The following SCN11A variants were observed in gnomAD, a reference collection of about 807,000 sequenced individuals.
The protein encoded by SCN11A is sodium voltage-gated channel alpha subunit 11, also known as sodium channel protein type 11 subunit alpha.
In SCN11A, 122 loss-of-function variants were observed where a neutral mutation model predicts 162.2. That is an observed-to-expected ratio of 0.75 (90% CI 0.65 to 0.87). The LOEUF (loss-of-function observed/expected upper bound fraction) is 0.87. SCN11A is among the 40% of genes least tolerant of loss of function. The probability of loss-of-function intolerance (pLI) is 0.00; values close to 1 mark genes in which losing one functional copy is unlikely to be tolerated. For missense variants in SCN11A, 2,015 were observed against 2,181.6 expected, an observed-to-expected ratio of 0.92 and a Z score of 1.52; for synonymous variants, 758 against 751.5, an observed-to-expected ratio of 1.01 and a Z score of -0.14.
intron 1 of SCN11A, among the ~76,000 whole-genome samples, chr3:39,044,390 G>A (rs1279518944): frequency 6.6e-6 from 1 of 152,072 alleles, no homozygotes; most frequent in Non-Finnish European, 1.5e-5. Context: ...TCAGCTTATA[G>A]AACATCCTCC....
At chr3:39,033,656 G>A (rs1323062265) in intron 1 of SCN11A, among the ~76,000 whole-genome samples, 1 of 152,134 alleles carries the variant, frequency 6.6e-6, no homozygotes, top group Non-Finnish European at 1.5e-5. Context: ...CTATCATTAG[G>A]CATTCACAGG....
At chr3:38,949,906 A>AAG (rs2066575845) in intron 5 of SCN11A, among the ~76,000 whole-genome samples, 190 bp downstream of exon 5, 1 of 152,074 alleles carries the variant, frequency 6.6e-6, no homozygotes, top group Non-Finnish European at 1.5e-5. Flanking sequence ...CATGCATTGC[A>AAG]GAGAAAAAAT....
chr3:39,005,388 G>C (rs1234609697), intron 2 of SCN11A, among the ~76,000 whole-genome samples: 2 of 152,198 alleles, frequency 1.3e-5, no homozygotes, highest in Admixed American at 1.3e-4. Flanking sequence ...GATCTCCCCA[G>C]ACATTGGCAA....
intron 14 of SCN11A, among the ~76,000 whole-genome samples, chr3:38,905,759 T>C (rs1284892171): frequency 6.6e-6 from 1 of 152,182 alleles, no homozygotes; most frequent in East Asian, 1.9e-4. Context: ...GCTGCAGTTG[T>C]GAAGTGAACA....
In SCN11A at chr3:38,925,456, A is replaced by G. The variant is rs2066123694; in HGVS notation, c.671T>C (p.Phe224Ser). The G allele has an allele frequency of 6.2e-7, 1 of 1,613,890 alleles. No individual in the cohort carries two copies. Among genetic ancestry groups the G allele is most frequent in the Non-Finnish European group, 8.5e-7 (1 of 1,179,760 alleles). Residue 224 changes from phenylalanine (F) to serine (S), a missense_variant, in exon 9 of 30, where the codon TTC (phenylalanine) becomes TCC (serine). Phe to Ser is a radical substitution (Grantham distance 155, BLOSUM62 -2). Coordinates refer to ENST00000302328, the MANE Select transcript of SCN11A (RefSeq NM_001349253.2). Reference protein sequence around the residue: ...ITIKLLPLRTFRVFRALKAIS... With the variant: ...ITIKLLPLRTSRVFRALKAIS... Reference sequence around the variant, plus strand: ...TGCTTTCAAAGCTCTGAACACACGGAAGGTACGCAGGGGCAATAGTTTGAT... The same window carrying G: ...TGCTTTCAAAGCTCTGAACACACGGGAGGTACGCAGGGGCAATAGTTTGAT...
intron 1 of SCN11A, among the ~76,000 whole-genome samples, chr3:39,046,447 G>A (rs2032183728): frequency 1.3e-5 from 2 of 152,032 alleles, no homozygotes; most frequent in South Asian, 4.2e-4. Context: ...TACCCAAAGT[G>A]ATCTACAGAT....
At chr3:38,968,479 C>A (rs2066796526) in intron 2 of SCN11A, among the ~76,000 whole-genome samples, 1 of 152,204 alleles carries the variant, frequency 6.6e-6, no homozygotes, top group Non-Finnish European at 1.5e-5. Flanking sequence ...AGGCAGTATG[C>A]CAAAACTTCC....
intron 28 of SCN11A, among the ~76,000 whole-genome samples, chr3:38,860,633 C>G (rs1314024058): frequency 1.3e-5 from 2 of 152,128 alleles, no homozygotes; most frequent in Non-Finnish European, 2.9e-5. Context: ...GAATTAAAAA[C>G]AAAAATCATA....
At chr3:38,908,199 G>C (rs2065831917) in intron 13 of SCN11A, 77 bp from the exon 14 acceptor site, 4 of 1,320,878 alleles carry the variant, frequency 3.0e-6, no homozygotes, top group Non-Finnish European at 4.2e-6. Flanking sequence ...CGACCTGAGA[G>C]TGGTGAAAAT....
At chr3:38,896,786 G>C in intron 18 of SCN11A, 59 bp downstream of exon 18, 1 of 1,321,934 alleles carries the variant, frequency 7.6e-7, no homozygotes, top group Non-Finnish European at 1.0e-6. Context: ...ATGAAGTAAT[G>C]CATTTGAGAG....
In SCN11A at chr3:38,920,073, A is replaced by C. The variant is rs960410948; in HGVS notation, c.893-72T>G. The C allele has an allele frequency of 3.4e-6, 4 of 1,173,796 alleles. No homozygotes were observed. In the African/African-American group the frequency reaches 6.1e-5, roughly 18 times the overall value. 72.7% of individuals were successfully genotyped at this position (1,173,796 alleles called of 1,614,324 possible). On this transcript the variant is annotated intron_variant, in intron 10 of 29. Coordinates refer to ENST00000302328, the MANE Select transcript of SCN11A (RefSeq NM_001349253.2). ...AAAGGAAAGAGAATAGTAAGTATGC[A>C]GATTATGCTTGAAAATGGATGTTTC...
At chr3:39,014,706 G>A (rs1180334522) in intron 2 of SCN11A, among the ~76,000 whole-genome samples, 1 of 152,132 alleles carries the variant, frequency 6.6e-6, no homozygotes, top group African/African-American at 2.4e-5. Context: ...GATACCTTGG[G>A]GGTGAATAGG....
intron 2 of SCN11A, among the ~76,000 whole-genome samples, chr3:39,030,147 TA>T (rs1321336256): frequency 6.6e-6 from 1 of 152,148 alleles, no homozygotes; most frequent in Non-Finnish European, 1.5e-5. Context: ...TTTTAAACTA[TA>T]AATCTAAGTG....
chr3:39,000,206 T>G (rs188408676), intron 2 of SCN11A, among the ~76,000 whole-genome samples: 1 of 152,254 alleles, frequency 6.6e-6, no homozygotes, highest in South Asian at 2.1e-4. Context: ...GCATGTAGTC[T>G]GTGACTTGGA....
intron 2 of SCN11A, among the ~76,000 whole-genome samples, chr3:39,028,611 C>T (rs1429026988): frequency 6.6e-6 from 1 of 152,174 alleles, no homozygotes; most frequent in African/African-American, 2.4e-5. Context: ...TTATTTGGCT[C>T]ACAGTTCTGG....
chr3:38,995,709 C>G (rs1163489513), intron 2 of SCN11A, among the ~76,000 whole-genome samples: 2 of 152,176 alleles, frequency 1.3e-5, no homozygotes. Flanking sequence ...AATTACACCA[C>G]AGTTTTTCCT....
At chr3:38,935,260 C>T (rs927922927) in intron 7 of SCN11A, among the ~76,000 whole-genome samples, 8 of 151,422 alleles carry the variant, frequency 5.3e-5, no homozygotes, top group African/African-American at 1.2e-4. Context: ...ACTAAATGCC[C>T]ACAAGAGAAA....
At chr3:39,021,171 G>C (rs2031441179) in intron 2 of SCN11A, among the ~76,000 whole-genome samples, 1 of 152,172 alleles carries the variant, frequency 6.6e-6, no homozygotes, top group Non-Finnish European at 1.5e-5. Context: ...GAAACTTTTT[G>C]AAGGTGTTCA....
At chr3:38,858,330 C>G (rs865924655) in intron 28 of SCN11A, among the ~76,000 whole-genome samples, 2 of 152,072 alleles carry the variant, frequency 1.3e-5, no homozygotes, top group African/African-American at 2.4e-5. Context: ...AAAAGACATT[C>G]CATGCAAATG....
Sources: gnomAD v4.1 joint callset for allele counts (sites outside exome capture counted in the v4.1 genomes callset) on GRCh38, gnomAD v4.1.1 for gene constraint, MANE v1.5 for transcripts, NCBI Gene and HGNC (gene_info 2026-07-23, HGNC 2026-07-21) for gene names.